ADGRA3: variants seen among roughly 807,000 people sequenced by gnomAD.
ADGRA3 encodes the protein adhesion G protein-coupled receptor A3.
ADGRA3 carries 56 observed loss-of-function variants against 119.8 expected under a neutral mutation model. The ratio of observed to expected loss-of-function variants is 0.47; its 90% CI spans 0.38 to 0.58. The LOEUF (loss-of-function observed/expected upper bound fraction) is 0.58. Ranked by LOEUF, ADGRA3 falls within the 20% of genes least tolerant of loss-of-function variation. ADGRA3 has a pLI of 0.00. For missense variants in ADGRA3, 1,516 were observed against 1,649.0 expected (o/e 0.92, Z 1.40); for synonymous variants, 607 against 623.8 (o/e 0.97, Z 0.40).
chr4:22,490,499 C>T (rs76259237), intron 1 of ADGRA3, among the ~76,000 whole-genome samples: 14,394 of 152,012 alleles, frequency 0.095, 904 homozygotes, highest in Non-Finnish European at 0.13. Context: ...GATGTCGGAC[C>T]TATTACTCAT....
chr4:22,420,982 A>G lies in ADGRA3; in HGVS notation c.1713T>C (p.Leu571=), dbSNP rs1365984190. ...CTGGATCCCGCCTCCCATAATCCGAAAGTCCTGTACGATCAGAGGCTGCCA... is the reference window on the plus strand; with the variant it reads ...CTGGATCCCGCCTCCCATAATCCGAGAGTCCTGTACGATCAGAGGCTGCCA... ...QKVAASDRTG[L]SDYGRRDPEG... is the part of the protein sequence containing the mutation. Residue 571 remains leucine, a synonymous_variant, in exon 12 of 19, where the codon CTT becomes CTC. Transcript: ENST00000334304. 1 of 1,613,946 alleles carries G rather than the reference A, an allele frequency of 6.2e-7. No individual in the cohort carries two copies. Among genetic ancestry groups the G allele is most frequent in the Non-Finnish European group, 8.5e-7 (1 of 1,179,996 alleles).
chr4:22,413,759 T>G lies in ADGRA3; in HGVS notation c.1865A>C (p.Gln622Pro), dbSNP rs1427964548. 2.2e-5 allele frequency: 35 copies of G among 1,613,844 alleles called. No individual in the cohort carries two copies. The highest frequency in any genetic ancestry group is 2.6e-5 in the Non-Finnish European group (31 of 1,179,942). Residue 622 changes from glutamine (Q) to proline (P), a missense_variant, in exon 13 of 19, where the codon CAA becomes CCA. By Grantham distance (76) the Gln-to-Pro change is moderately conservative. Around this residue, in one of 2 missense-constraint regions of ADGRA3, gnomAD observed 1,088 missense variants for 1,107.1 expected, o/e 0.98. Coordinates refer to ENST00000334304, the MANE Select transcript of ADGRA3 (RefSeq NM_145290.4). ...QLPPSLFSPK[Q>P]KRELRPTDDS... ...ATCAGTTGGTCTGAGTTCTCTTTTTTGCTTTGGTGAGAAAAGGGAAGGAGG... is the reference window on the plus strand; with the variant it reads ...ATCAGTTGGTCTGAGTTCTCTTTTTGGCTTTGGTGAGAAAAGGGAAGGAGG...
intron 11 of ADGRA3, among the ~76,000 whole-genome samples, chr4:22,422,015 A>T (rs2109037267): frequency 6.6e-6 from 1 of 152,170 alleles, no homozygotes; most frequent in African/African-American, 2.4e-5. Flanking sequence ...ACAAAAGTGA[A>T]CCAAGGGGAA....
At chr4:22,427,934 C>T (rs1434898555) in intron 10 of ADGRA3, among the ~76,000 whole-genome samples, 6 of 152,022 alleles carry the variant, frequency 3.9e-5, no homozygotes, top group African/African-American at 1.2e-4. Context: ...TGGACTTTAT[C>T]GAAGATAAAA....
chr4:22,414,704 T>C (rs1278946763), intron 12 of ADGRA3: 3 of 641,154 alleles, frequency 4.7e-6, no homozygotes, highest in Admixed American at 2.6e-5. Flanking sequence ...ACCATATAAT[T>C]TGATGAAAAT....
chr4:22,389,171 A>G lies in ADGRA3; in HGVS notation c.2640T>C (p.Ile880=). 1 of 1,611,368 alleles carries G rather than the reference A, an allele frequency of 6.2e-7. No individual in the cohort carries two copies. The highest frequency in any genetic ancestry group is 8.5e-7 in the Non-Finnish European group (1 of 1,177,756). Residue 880 remains isoleucine (I), a synonymous_variant, in exon 18 of 19, where the codon ATT becomes ATC. Transcript: ENST00000334304. ...PPRPMLRFYL[I]GGGIPIIVCG... is the part of the protein sequence containing the mutation. ...AAACAATGATGGGGATACCACCACC[A>G]ATCAGGTAAAATCTAGAAGGAGGAA... is the stretch of plus-strand genomic sequence containing the variant.
At chr4:22,390,358 ATAATACGTAT>A (rs1305722640) in intron 17 of ADGRA3, among the ~76,000 whole-genome samples, 10 of 84,538 alleles carry the variant, frequency 1.2e-4, no homozygotes, top group Admixed American at 3.0e-4. Context: ...TTATATATAT[ATAATACGTAT>A]TATATATATA....
chr4:22,503,868 T>G (rs1266912408), intron 1 of ADGRA3, among the ~76,000 whole-genome samples: 1 of 152,180 alleles, frequency 6.6e-6, no homozygotes, highest in Non-Finnish European at 1.5e-5. Context: ...CCTCTATGTC[T>G]CCCTAGTCTT....
In ADGRA3 at chr4:22,515,831, C is replaced by T. The variant is rs1719648629; in HGVS notation, c.-47G>A. The T allele has an allele frequency of 2.0e-6, 2 of 982,324 alleles. No homozygotes were observed. The highest frequency in any genetic ancestry group is 4.6e-5 in the South Asian group (1 of 21,648). The allele number at this position is 982,324 out of a possible 1,614,324, so 60.9% of individuals were successfully genotyped here. A position where few individuals can be genotyped will look rare whatever the true frequency, so the allele number is the denominator to read the frequency against. On this transcript the variant is annotated 5_prime_UTR_variant, in exon 1 of 19. Transcript: ENST00000334304. Reference sequence around the variant, plus strand: ...GGCGAGCGGCGGCGCACTGGCCTAGCGGGCCGCCCCGGAGCCCGGGCGGGC... The same window carrying T: ...GGCGAGCGGCGGCGCACTGGCCTAGTGGGCCGCCCCGGAGCCCGGGCGGGC...
intron 1 of ADGRA3, among the ~76,000 whole-genome samples, chr4:22,484,958 C>A (rs1268244247): frequency 6.6e-6 from 1 of 151,982 alleles, no homozygotes; most frequent in African/African-American, 2.4e-5. Flanking sequence ...CTTCAAAATT[C>A]TCATCTTAAT....
chr4:22,422,681 T>G (rs998157626), intron 11 of ADGRA3, among the ~76,000 whole-genome samples: 1 of 152,186 alleles, frequency 6.6e-6, no homozygotes, highest in Non-Finnish European at 1.5e-5. Context: ...ATAGAGATGG[T>G]ATGCAAATTC....
chr4:22,445,227 A>G (rs1171523094), intron 5 of ADGRA3, 94 bp from the exon 6 acceptor site: 23 of 1,077,984 alleles, frequency 2.1e-5, no homozygotes, highest in Non-Finnish European at 3.2e-5. Flanking sequence ...GGCAAGCACA[A>G]TACTGTTCAC....
intron 1 of ADGRA3, among the ~76,000 whole-genome samples, chr4:22,497,938 C>A (rs1332452364): frequency 3.7e-5 from 5 of 133,496 alleles, no homozygotes; most frequent in Non-Finnish European, 8.2e-5. Context: ...AAAAAGACCC[C>A]ATCTAAAAAA....
intron 12 of ADGRA3, among the ~76,000 whole-genome samples, chr4:22,414,882 T>C (rs1466344256): frequency 2.6e-5 from 4 of 152,134 alleles, no homozygotes; most frequent in African/African-American, 9.7e-5. Context: ...TCACAAACTT[T>C]TGAATTGGTG....
intron 11 of ADGRA3, among the ~76,000 whole-genome samples, chr4:22,423,616 CATT>C (rs984063078): frequency 6.6e-6 from 1 of 152,188 alleles, no homozygotes; most frequent in African/African-American, 2.4e-5. Flanking sequence ...ATTGAGTGAT[CATT>C]ATTTATTAAT....
At chr4:22,437,184 A>G (rs1716428994) in intron 8 of ADGRA3, among the ~76,000 whole-genome samples, 1 of 152,234 alleles carries the variant, frequency 6.6e-6, no homozygotes, top group African/African-American at 2.4e-5. Flanking sequence ...TTCACTTAAA[A>G]GCATGTACTA....
intron 1 of ADGRA3, among the ~76,000 whole-genome samples, chr4:22,508,252 G>A (rs1048473256): frequency 6.6e-6 from 1 of 152,208 alleles, no homozygotes; most frequent in Admixed American, 6.5e-5. Flanking sequence ...GTTCGTAGCA[G>A]CTGAGTTGGG....
At chr4:22,438,944 T>C (rs1716505846) in intron 7 of ADGRA3, among the ~76,000 whole-genome samples, 1 of 152,104 alleles carries the variant, frequency 6.6e-6, no homozygotes, top group Non-Finnish European at 1.5e-5. Flanking sequence ...GAGGTTGCAG[T>C]GAGCCAAGAG....
chr4:22,403,104 A>G (rs1029156885), intron 14 of ADGRA3, among the ~76,000 whole-genome samples: 3 of 152,102 alleles, frequency 2.0e-5, no homozygotes, highest in Admixed American at 1.3e-4. Flanking sequence ...GCAATTCAGA[A>G]AGCATAACCA....
Sources: gnomAD v4.1 joint callset for allele counts (sites outside exome capture counted in the v4.1 genomes callset) on GRCh38, gnomAD v4.1.1 for gene constraint, gnomAD v4.1.1 regional missense constraint, MANE v1.5 for transcripts, NCBI Gene and HGNC (gene_info 2026-07-23, HGNC 2026-07-21) for gene names.